Variants in RBFOX1 observed in about 807,000 individuals in gnomAD.
RBFOX1 encodes RNA binding fox-1 homolog 1, also known as RNA binding protein fox-1 homolog 1.
RBFOX1 carries 8 observed loss-of-function variants against 57.7 expected under a neutral mutation model. The ratio of observed to expected loss-of-function variants is 0.14; its 90% CI spans 0.08 to 0.25. The LOEUF (loss-of-function observed/expected upper bound fraction) is 0.25, where lower values mean the gene tolerates loss of function less well. Ranked by LOEUF, RBFOX1 falls within the 10% of genes least tolerant of loss-of-function variation. The pLI, the probability that RBFOX1 is intolerant of heterozygous loss-of-function variation, is 1.00. For synonymous variants in RBFOX1, 326 were observed against 222.4 expected (o/e 1.47, Z -4.15); for missense variants, 611 against 548.5 (o/e 1.11, Z -1.14).
intron 1 of RBFOX1, among the ~76,000 whole-genome samples, chr16:6,056,051 A>G (rs1302580935): frequency 6.6e-6 from 1 of 152,040 alleles, no homozygotes; most frequent in African/African-American, 2.4e-5. Flanking sequence ...TTGGGGTGGG[A>G]TAGAGGGGCA....
At chr16:7,538,246 G>T (rs975163768) in intron 5 of RBFOX1, among the ~76,000 whole-genome samples, 3 of 152,152 alleles carry the variant, frequency 2.0e-5, no homozygotes, top group African/African-American at 7.2e-5. Context: ...TTTCTTTCAT[G>T]AGTCCTTCCG....
intron 2 of RBFOX1, among the ~76,000 whole-genome samples, chr16:6,576,731 T>C (rs1202878505): frequency 1.3e-5 from 2 of 152,132 alleles, no homozygotes; most frequent in Non-Finnish European, 2.9e-5. Context: ...AGGCAATAAT[T>C]TTTTACTGCA....
At chr16:6,959,500 T>TTA (rs111481496) in intron 3 of RBFOX1, among the ~76,000 whole-genome samples, 2,216 of 152,190 alleles carry the variant, frequency 0.015, 58 homozygotes, top group African/African-American at 0.051. Context: ...CTTTTTTTAT[T>TTA]TTTTATTTTT....
rs142080033 is a variant in RBFOX1 at position 6,154,697 on chromosome 16, C to T, written c.-127+134705C>T. Among the ~76,000 whole-genome samples the T allele has an allele frequency of 7.2e-4, 109 of 152,138 alleles. No individual in the cohort carries two copies. In the East Asian group the frequency reaches 0.018, roughly 25 times the overall value. On this transcript the variant is annotated intron_variant, in intron 1 of 15. Coordinates refer to ENST00000550418, the MANE Select transcript of RBFOX1 (RefSeq NM_018723.4). ...TGAATGTCAAAGAAGAAATGGGATG[C>T]GGGTTTGAGCAAAGAAAATATTAGT...
chr16:6,706,345 T>C (rs546457698), intron 3 of RBFOX1, among the ~76,000 whole-genome samples: 1 of 152,318 alleles, frequency 6.6e-6, no homozygotes, highest in South Asian at 2.1e-4. Flanking sequence ...CAATTATTAA[T>C]GTGCAAAACT....
chr16:6,950,656 G>T (rs1277740298), intron 3 of RBFOX1, among the ~76,000 whole-genome samples: 3 of 152,140 alleles, frequency 2.0e-5, no homozygotes, highest in Non-Finnish European at 4.4e-5. Flanking sequence ...TCTCAAGGAT[G>T]CAGAAAGAGG....
chr16:5,725,899 G>T (rs2052134994), intron 3 of RBFOX1, among the ~76,000 whole-genome samples: 1 of 151,802 alleles, frequency 6.6e-6, no homozygotes, highest in Non-Finnish European at 1.5e-5. Flanking sequence ...GCAGGTTGGG[G>T]TTAATTCCTG....
chr16:6,829,137 C>T (rs2092481110), intron 3 of RBFOX1, among the ~76,000 whole-genome samples: 1 of 151,448 alleles, frequency 6.6e-6, no homozygotes, highest in South Asian at 2.1e-4. Context: ...AGGTAATTGT[C>T]TAATAAGTGG....
In RBFOX1 at chr16:6,849,354, T is replaced by C. The variant is rs1011176862; in HGVS notation, c.-16+194704T>C. ...GATTATGACAAAAGTAGAAAAAATA[T>C]AGTCTTATACTTTAGATAGAACTGA... On this transcript the variant is annotated intron_variant, in intron 3 of 15. Coordinates refer to ENST00000550418, the MANE Select transcript of RBFOX1 (RefSeq NM_018723.4). Among the ~76,000 whole-genome samples, 10 of 152,182 alleles carry C rather than the reference T, an allele frequency of 6.6e-5. No homozygotes were observed. The South Asian group carries it at 1.0e-3, about 16-fold the overall frequency.
intron 4 of RBFOX1, among the ~76,000 whole-genome samples, chr16:6,011,302 A>T (rs984833802): frequency 6.6e-6 from 1 of 152,102 alleles, no homozygotes; most frequent in Non-Finnish European, 1.5e-5. Flanking sequence ...TTGACTTTAG[A>T]TGGAGCTATT....
intron 2 of RBFOX1, among the ~76,000 whole-genome samples, chr16:6,567,847 G>A (rs1040570652): frequency 1.3e-5 from 2 of 151,930 alleles, no homozygotes; most frequent in African/African-American, 2.4e-5. Context: ...TTAGAGACAG[G>A]GTCTCACTCT....
intron 1 of RBFOX1, among the ~76,000 whole-genome samples, chr16:5,436,024 A>T (rs1443585851): frequency 6.6e-6 from 1 of 152,212 alleles, no homozygotes; most frequent in African/African-American, 2.4e-5. Flanking sequence ...GATTTTAAAG[A>T]TTGAAGTCTA....
At chr16:6,648,619 A>G (rs1054224179) in intron 2 of RBFOX1, among the ~76,000 whole-genome samples, 4 of 152,120 alleles carry the variant, frequency 2.6e-5, no homozygotes, top group African/African-American at 9.7e-5. Context: ...GGTAGCATGC[A>G]TCGACGGGCC....
At chr16:5,667,904 G>C (rs1268210385) in intron 3 of RBFOX1, among the ~76,000 whole-genome samples, 1 of 152,184 alleles carries the variant, frequency 6.6e-6, no homozygotes, top group African/African-American at 2.4e-5. Flanking sequence ...TGGCAAGGAT[G>C]TCTCTGCAAA....
intron 2 of RBFOX1, among the ~76,000 whole-genome samples, chr16:6,587,889 C>T (rs1251333636): frequency 6.6e-6 from 1 of 152,164 alleles, no homozygotes; most frequent in Admixed American, 6.5e-5. Context: ...ATTACAGGCA[C>T]CATGAACAAC....
At chr16:6,521,057 C>T (rs531144755) in intron 2 of RBFOX1, among the ~76,000 whole-genome samples, 4 of 152,120 alleles carry the variant, frequency 2.6e-5, no homozygotes, top group African/African-American at 9.7e-5. Flanking sequence ...ATCCTTTAAT[C>T]AAGCAATTCC....
chr16:5,655,537 C>A (rs1313708116), intron 3 of RBFOX1, among the ~76,000 whole-genome samples: 1 of 152,152 alleles, frequency 6.6e-6, no homozygotes, highest in African/African-American at 2.4e-5. Context: ...TAAATTCCTT[C>A]CCAGAATTTT....
intron 2 of RBFOX1, among the ~76,000 whole-genome samples, chr16:6,370,674 A>T (rs987653291): frequency 2.0e-5 from 3 of 152,174 alleles, no homozygotes; most frequent in African/African-American, 7.2e-5. Flanking sequence ...GTTCCTAGGG[A>T]CCAGGGGGAG....
At chr16:7,214,430 C>T (rs1185913653) in intron 4 of RBFOX1, among the ~76,000 whole-genome samples, 2 of 152,018 alleles carry the variant, frequency 1.3e-5, no homozygotes, top group African/African-American at 4.8e-5. Flanking sequence ...AGACTGCTCC[C>T]TTCCTATTCT....
Sources: allele counts gnomAD v4.1 joint callset (sites outside exome capture counted in the v4.1 genomes callset), GRCh38; gene constraint gnomAD v4.1.1; transcripts MANE v1.5; gene names NCBI Gene and HGNC (gene_info 2026-07-23, HGNC 2026-07-21).